Variants in PDE4D observed in about 807,000 individuals in gnomAD.
PDE4D encodes phosphodiesterase 4D.
Under a neutral mutation model 87.4 loss-of-function variants are expected in PDE4D, and 24 were observed. That is an observed-to-expected ratio of 0.27 (90% CI 0.20 to 0.39). The LOEUF is 0.39. Ranked by LOEUF, PDE4D falls within the 10% of genes least tolerant of loss-of-function variation. The pLI is 1.00. For synonymous variants in PDE4D, 384 were observed against 383.2 expected (o/e 1.00, Z -0.02); for missense variants, 714 against 1,041.0 (o/e 0.69, Z 4.32).
chr5:59,378,556 G>GA (rs1419214908), intron 1 of PDE4D, among the ~76,000 whole-genome samples: 4 of 152,082 alleles, frequency 2.6e-5, no homozygotes, highest in African/African-American at 4.8e-5. Flanking sequence ...AGTGAATTAA[G>GA]AAAAAATTAT....
At chr5:60,133,252 A>G (rs1017147480) in intron 2 of PDE4D, among the ~76,000 whole-genome samples, 13 of 152,138 alleles carry the variant, frequency 8.5e-5, no homozygotes, top group Non-Finnish European at 1.3e-4. Context: ...ATATTCTCCA[A>G]TTATAGGCTT....
chr5:59,514,641 C>G (rs1297367854), intron 1 of PDE4D, among the ~76,000 whole-genome samples: 2 of 152,140 alleles, frequency 1.3e-5, no homozygotes, highest in Non-Finnish European at 2.9e-5. Context: ...CTAAACAAAA[C>G]AAATTTTAGG....
chr5:59,788,026 G>A (rs910389598), intron 1 of PDE4D, among the ~76,000 whole-genome samples: 5 of 151,918 alleles, frequency 3.3e-5, no homozygotes, highest in Non-Finnish European at 7.4e-5. Flanking sequence ...ATAGGAACAA[G>A]GTAAAGCACA....
At chr5:59,342,529 A>T (rs1185456179) in intron 1 of PDE4D, among the ~76,000 whole-genome samples, 1 of 152,132 alleles carries the variant, frequency 6.6e-6, no homozygotes, top group African/African-American at 2.4e-5. Context: ...ATATAAATTG[A>T]AATGTTGAAA....
chr5:60,215,885 CAG>C (rs899879622), intron 1 of PDE4D, among the ~76,000 whole-genome samples: 9 of 152,134 alleles, frequency 5.9e-5, no homozygotes, highest in Non-Finnish European at 1.0e-4. Context: ...CTTATTGCTA[CAG>C]AGTTAATACT....
chr5:60,324,952 C>T (rs1217511424), intron 1 of PDE4D, among the ~76,000 whole-genome samples: 1 of 152,030 alleles, frequency 6.6e-6, no homozygotes, highest in East Asian at 1.9e-4. Flanking sequence ...GACATGGTAA[C>T]CCAAAAGCTG....
At chr5:59,077,550 C>T (rs971942384) in intron 5 of PDE4D, among the ~76,000 whole-genome samples, 1 of 149,094 alleles carries the variant, frequency 6.7e-6, no homozygotes, top group African/African-American at 2.5e-5. Flanking sequence ...CTCGCTGCAA[C>T]CTCTGCCTCT....
At chr5:59,110,362 T>C (rs1420292590) in intron 5 of PDE4D, among the ~76,000 whole-genome samples, 1 of 152,194 alleles carries the variant, frequency 6.6e-6, no homozygotes, top group Admixed American at 6.5e-5. Flanking sequence ...TAACCAACTG[T>C]CTTTCCCTAG....
chr5:60,109,124 T>A (rs1299033422), intron 2 of PDE4D, among the ~76,000 whole-genome samples: 2 of 151,616 alleles, frequency 1.3e-5, no homozygotes. Flanking sequence ...GAGAAAGGGC[T>A]AATATCCAGA....
At chr5:59,459,068 C>G (rs767348822) in intron 1 of PDE4D, among the ~76,000 whole-genome samples, 4 of 152,222 alleles carry the variant, frequency 2.6e-5, no homozygotes, top group African/African-American at 9.6e-5. Flanking sequence ...AGAATAAAAA[C>G]TGTTTTTAAT....
Position 60,367,099 on chromosome 5 carries a change from T to TG in PDE4D, c.-90+120842_-90+120843insC, listed in dbSNP as rs1457753114. The stretch of plus-strand genomic sequence containing the variant: ...CAGTCTCTTTGGAGAACCAATTTTT[T>TG]TTTGTTGTTGTTGGGAGATAAAAAG... On this transcript the variant is annotated intron_variant, in intron 1 of 16. Coordinates refer to the PDE4D transcript ENST00000502484. Among the ~76,000 whole-genome samples, 155 of 152,256 alleles carry TG rather than the reference T, an allele frequency of 1.0e-3. 1 individual carries two copies. The highest frequency in any genetic ancestry group is 3.4e-3 in the Middle Eastern group (1 of 294).
intron 2 of PDE4D, among the ~76,000 whole-genome samples, chr5:60,083,596 A>G (rs1258393480): frequency 1.3e-5 from 2 of 152,240 alleles, no homozygotes; most frequent in Non-Finnish European, 2.9e-5. Context: ...GACTTTCATC[A>G]TAAAACACCT....
intron 5 of PDE4D, among the ~76,000 whole-genome samples, chr5:59,055,928 G>T (rs967072129): frequency 6.6e-6 from 1 of 152,192 alleles, no homozygotes; most frequent in Non-Finnish European, 1.5e-5. Flanking sequence ...GCTTAGTTCA[G>T]AAGAATTCTG....
At chr5:60,293,973 A>T (rs1376625260) in intron 1 of PDE4D, among the ~76,000 whole-genome samples, 2 of 152,236 alleles carry the variant, frequency 1.3e-5, no homozygotes, top group Non-Finnish European at 2.9e-5. Context: ...TTGCTAGGTC[A>T]AAGGGTAGGT....
At chr5:59,253,426 G>A (rs186491058) in intron 1 of PDE4D, among the ~76,000 whole-genome samples, 14 of 152,096 alleles carry the variant, frequency 9.2e-5, no homozygotes, top group East Asian at 5.8e-4. Flanking sequence ...AATTGGATGC[G>A]GTACTTGTTC....
intron 1 of PDE4D, among the ~76,000 whole-genome samples, chr5:60,253,658 A>G (rs560935896): frequency 1.3e-5 from 2 of 152,074 alleles, no homozygotes; most frequent in East Asian, 3.9e-4. Flanking sequence ...CATTGTGAGG[A>G]GAAAAAGCAC....
intron 5 of PDE4D, among the ~76,000 whole-genome samples, chr5:59,158,123 T>C (rs2153463499): frequency 6.6e-6 from 1 of 152,334 alleles, no homozygotes; most frequent in African/African-American, 2.4e-5. Context: ...TCCCTGATCT[T>C]GTTTATATTT....
At chr5:59,188,168 T>C (rs1050845936) in intron 3 of PDE4D, among the ~76,000 whole-genome samples, 1 of 152,198 alleles carries the variant, frequency 6.6e-6, no homozygotes, top group Non-Finnish European at 1.5e-5. Context: ...AGGCTCCTTT[T>C]ACAGTTGTCC....
chr5:60,403,509 A>AAAAGATGACC (rs1741265319), intron 1 of PDE4D, among the ~76,000 whole-genome samples: 1 of 152,242 alleles, frequency 6.6e-6, no homozygotes, highest in South Asian at 2.1e-4. Flanking sequence ...GTAGGGACAG[A>AAAAGATGACC]AAAGATGACC....
Sources: gnomAD v4.1 joint callset for allele counts (sites outside exome capture counted in the v4.1 genomes callset) on GRCh38, gnomAD v4.1.1 for gene constraint, MANE v1.5 for transcripts, NCBI Gene and HGNC (gene_info 2026-07-23, HGNC 2026-07-21) for gene names.